HSP90AB1: variants seen among roughly 807,000 people sequenced by gnomAD.
HSP90AB1 encodes heat shock protein HSP 90-beta.
Under a neutral mutation model 67.8 loss-of-function variants are expected in HSP90AB1, and 17 were observed. The ratio of observed to expected loss-of-function variants is 0.25; its 90% CI spans 0.17 to 0.38. HSP90AB1 has a LOEUF of 0.38. Ranked by LOEUF, HSP90AB1 falls within the 10% of genes least tolerant of loss-of-function variation. HSP90AB1 has a pLI of 1.00. For missense variants in HSP90AB1, 690 were observed against 899.9 expected, an observed-to-expected ratio of 0.77 and a Z score of 2.98; for synonymous variants, 390 against 312.9, an observed-to-expected ratio of 1.25 and a Z score of -2.60.
chr6:44,252,700 G>T (rs771078720), intron 10 of HSP90AB1, among the ~76,000 whole-genome samples: 1 of 151,770 alleles, frequency 6.6e-6, no homozygotes, highest in African/African-American at 2.4e-5. Context: ...GTTTCATCGC[G>T]TTAGCCAGGA....
At position 44,253,709 on chromosome 6, in the gene HSP90AB1, G is replaced by GT. The variant is rs552590291; in HGVS notation, c.*118dup. The GT allele has an allele frequency of 2.9e-4, 238 of 832,884 alleles. 1 individual carries two copies. Among genetic ancestry groups the GT allele is most frequent in the South Asian group, 1.5e-3 (111 of 75,014 alleles). 51.6% of individuals were successfully genotyped at this position (832,884 alleles called of 1,614,324 possible). On this transcript the variant is annotated 3_prime_UTR_variant, in exon 12 of 12. Coordinates refer to ENST00000371646, the MANE Select transcript of HSP90AB1 (RefSeq NM_007355.4). ...CTGGCTCCCCCTGCTGGTGTCTAGT[G>GT]TTTTTTTCCCTCTCCTGTCCTTGTG...
chr6:44,253,735 T>C lies in HSP90AB1; in HGVS notation c.*137T>C, dbSNP rs534908596. On this transcript the variant is annotated 3_prime_UTR_variant, in exon 12 of 12. Coordinates refer to ENST00000371646, the MANE Select transcript of HSP90AB1 (RefSeq NM_007355.4). Reference sequence around the variant, plus strand: ...TTTTTTTCCCTCTCCTGTCCTTGTGTTGAAGGCAGTAAACTAAGGGTGTCA... The same window carrying C: ...TTTTTTTCCCTCTCCTGTCCTTGTGCTGAAGGCAGTAAACTAAGGGTGTCA... 3.4e-5 allele frequency: 27 copies of C among 787,274 alleles called. No individual in the cohort carries two copies. The East Asian group carries it at 6.3e-4, about 18-fold the overall frequency. 48.8% of individuals were successfully genotyped at this position (787,274 alleles called of 1,614,324 possible).
rs752606321 is a variant in HSP90AB1 at position 44,253,769 on chromosome 6, T to A, written c.*171T>A. 1 of 778,262 alleles carries A rather than the reference T, an allele frequency of 1.3e-6. No individual in the cohort carries two copies. Among genetic ancestry groups the A allele is most frequent in the South Asian group, 1.4e-5 (1 of 73,770 alleles). 48.2% of individuals were successfully genotyped at this position (778,262 alleles called of 1,614,324 possible). A position where few individuals can be genotyped will look rare whatever the true frequency, so the allele number is the denominator to read the frequency against. On this transcript the variant is annotated 3_prime_UTR_variant, in exon 12 of 12. Transcript: ENST00000371646. The stretch of plus-strand genomic sequence containing the variant: ...GTAAACTAAGGGTGTCAAGCCCCAT[T>A]CCCTCTCTACTCTTGACAGCAGGAT...
chr6:44,252,434 T>A (rs535850868), intron 10 of HSP90AB1, among the ~76,000 whole-genome samples, 167 bp downstream of exon 10: 2 of 152,342 alleles, frequency 1.3e-5, no homozygotes, highest in Non-Finnish European at 2.9e-5. Context: ...TTAATAAAAT[T>A]TGGCACAGAT....
At chr6:44,247,954 T>G (rs1780148354) in intron 1 of HSP90AB1, 1 of 152,258 alleles carries the variant, frequency 6.6e-6, no homozygotes, top group African/African-American at 2.4e-5. Context: ...GTGACGAGTG[T>G]CGGCCTGGTG....
intron 1 of HSP90AB1, 76 bp from the exon 2 acceptor site, chr6:44,248,554 C>T (rs917905799): frequency 7.1e-7 from 1 of 1,411,652 alleles, no homozygotes; most frequent in African/African-American, 1.4e-5. Context: ...AAGGTCCTAA[C>T]AAATGATATG....
At position 44,249,410 on chromosome 6, in the gene HSP90AB1, G is replaced by C. The variant is rs1780376806; in HGVS notation, c.181G>C (p.Asp61His). The C allele has an allele frequency of 6.2e-7, 1 of 1,613,984 alleles. No individual in the cohort carries two copies. The highest frequency in any genetic ancestry group is 8.5e-7 in the Non-Finnish European group (1 of 1,179,866). ...LDKIRYESLT[D>H]PSKLDSGKEL... is the part of the protein sequence containing the mutation. ...CAAGATTCGCTATGAGAGCCTGACA[G>C]ACCCTTCGAAGTTGGACAGTGGTAA... The change falls in exon 3 of 12, where the codon GAC becomes CAC. Residue 61 changes from aspartate (D) to histidine (H), a missense_variant. By Grantham distance (81) the Asp-to-His change is moderately conservative. Around this residue, in one of 7 missense-constraint regions of HSP90AB1, gnomAD observed 88 missense variants for 167.7 expected, o/e 0.52. Coordinates refer to ENST00000371646, the MANE Select transcript of HSP90AB1 (RefSeq NM_007355.4).
rs1780000480 is a variant in HSP90AB1, at chr6:44,247,209, C to T, written c.-1+14C>T. The T allele has an allele frequency of 6.6e-6, 1 of 152,274 alleles. No homozygotes were observed. The highest frequency in any genetic ancestry group is 2.4e-5 in the African/African-American group (1 of 41,454). 9.4% of individuals were successfully genotyped at this position (152,274 alleles called of 1,614,324 possible). A position where few individuals can be genotyped will look rare whatever the true frequency, so the allele number is the denominator to read the frequency against. On this transcript the variant is annotated intron_variant, in intron 1 of 11. Coordinates refer to ENST00000371646, the MANE Select transcript of HSP90AB1 (RefSeq NM_007355.4). ...TTTCTTTTCAAGGTAAGGCTGAGAT[C>T]TCCGCTAGGCTTCTTTCCCTTTAGT...
intron 2 of HSP90AB1, 78 bp from the exon 3 acceptor site, chr6:44,249,299 C>T (rs1780364640): frequency 8.4e-7 from 1 of 1,185,524 alleles, no homozygotes; most frequent in Non-Finnish European, 1.2e-6. Flanking sequence ...TCATCCTTGC[C>T]ACTGCACTGT....
chr6:44,252,123 T>A lies in HSP90AB1; in HGVS notation c.1587T>A (p.Asp529Glu). ...GTGTGCAGCAGCTCAAGGAATTTGA[T>A]GGGAAGAGCCTGGTCTCAGTTACCA... Reference protein sequence around the residue: ...EYCVQQLKEFDGKSLVSVTKE... With the variant: ...EYCVQQLKEFEGKSLVSVTKE... The change falls in exon 10 of 12, where the codon GAT becomes GAA. Residue 529 changes from aspartate (D) to glutamate (E), a missense_variant. Asp to Glu is a conservative substitution (Grantham distance 45). Coordinates refer to ENST00000371646, the MANE Select transcript of HSP90AB1 (RefSeq NM_007355.4). The A allele has an allele frequency of 6.2e-7, 1 of 1,614,024 alleles. No individual in the cohort carries two copies. Among genetic ancestry groups the A allele is most frequent in the Non-Finnish European group, 8.5e-7 (1 of 1,180,008 alleles).
At position 44,251,571 on chromosome 6, in the gene HSP90AB1, A is replaced by G. The variant is rs1160661073; in HGVS notation, c.1277A>G (p.Tyr426Cys). The change falls in exon 8 of 12, where the codon TAC (tyrosine) becomes TGC (cysteine). Residue 426 changes from tyrosine (Y) to cysteine (C), a missense_variant. Tyr to Cys is a radical substitution (Grantham distance 194). Transcript: ENST00000371646. ...GAGCTGGCAGAAGACAAGGAGAATT[A>G]CAAGAAATTCTATGAGGCATTCTCT... The part of the protein sequence containing the change: ...FSELAEDKEN[Y>C]KKFYEAFSKN... 3 of 1,609,120 alleles carry G rather than the reference A, an allele frequency of 1.9e-6. No homozygotes were observed. Among genetic ancestry groups the G allele is most frequent in the Non-Finnish European group, 2.5e-6 (3 of 1,176,890 alleles).
rs1780270951 is a variant in HSP90AB1 at position 44,248,618 on chromosome 6, T to C, written c.1-12T>C. 2.5e-6 allele frequency: 4 copies of C among 1,596,196 alleles called. No homozygotes were observed. In the South Asian group the frequency reaches 4.5e-5, roughly 18 times the overall value. ...TAGTGTTCTTTTGTAATTAATGAGA[T>C]TTTTATTTTAGATGCCTGAGGAAGT... On this transcript the variant is annotated splice_polypyrimidine_tract_variant and intron_variant, in intron 1 of 11. Coordinates refer to ENST00000371646, the MANE Select transcript of HSP90AB1 (RefSeq NM_007355.4).
chr6:44,253,037 G>A lies in HSP90AB1; in HGVS notation c.1732-8G>A, dbSNP rs781471728. ...ATGTCAATCTAAGGCTTTTGTGATC[G>A]TCCACAGGTGACAATCTCCAATAGA... On this transcript the variant is annotated splice_polypyrimidine_tract_variant and splice_region_variant and intron_variant, in intron 10 of 11. Coordinates refer to ENST00000371646, the MANE Select transcript of HSP90AB1 (RefSeq NM_007355.4). The A allele has an allele frequency of 1.2e-5, 19 of 1,610,192 alleles. No homozygotes were observed. The Admixed American group carries it at 2.5e-4, about 21-fold the overall frequency.
chr6:44,251,318 G>GT lies in HSP90AB1; in HGVS notation c.1124-99dup. On this transcript the variant is annotated intron_variant, in intron 7 of 11. Coordinates refer to ENST00000371646, the MANE Select transcript of HSP90AB1 (RefSeq NM_007355.4). ...CAGTTTTCTGCAATACATAGTAGGT[G>GT]TAAGGGTTCAGGAGGCTATTAGAGC... is the stretch of plus-strand genomic sequence containing the variant. 7.2e-6 allele frequency: 11 copies of GT among 1,530,826 alleles called. No homozygotes were observed. In the South Asian group the frequency reaches 1.1e-4, roughly 16 times the overall value. 94.8% of individuals were successfully genotyped at this position (1,530,826 alleles called of 1,614,324 possible). A position where few individuals can be genotyped will look rare whatever the true frequency, so the allele number is the denominator to read the frequency against.
Position 44,252,518 on chromosome 6 carries a change from T to C in HSP90AB1, c.1731+251T>C, listed in dbSNP as rs545952152. Among the ~76,000 whole-genome samples, 5 of 152,108 alleles carry C rather than the reference T, an allele frequency of 3.3e-5. No individual in the cohort carries two copies. In the East Asian group the frequency reaches 9.6e-4, roughly 29 times the overall value. ...TTCTTTTTTTTTTCTTTTTTTGAGA[T>C]GGGGTCTCGCTCTGTCACCCAGGCT... On this transcript the variant is annotated intron_variant, in intron 10 of 11. Transcript: ENST00000371646.
rs911240901 is a variant in HSP90AB1, at chr6:44,252,963, C to G, written c.1732-82C>G. The stretch of plus-strand genomic sequence containing the variant: ...TCAAGTGGTCTGTCCACCTCCTCCC[C>G]CTGCTGGAATTAGGCTTGACAATGC... On this transcript the variant is annotated intron_variant, in intron 10 of 11. Transcript: ENST00000371646. The G allele has an allele frequency of 1.6e-5, 19 of 1,169,044 alleles. No homozygotes were observed. The South Asian group carries it at 2.6e-4, about 16-fold the overall frequency. 72.4% of individuals were successfully genotyped at this position (1,169,044 alleles called of 1,614,324 possible). A position where few individuals can be genotyped will look rare whatever the true frequency, so the allele number is the denominator to read the frequency against.
At position 44,248,621 on chromosome 6, in the gene HSP90AB1, T is replaced by TG; in HGVS notation, c.1-9_1-8insG. On this transcript the variant is annotated splice_polypyrimidine_tract_variant and intron_variant, in intron 1 of 11. Coordinates refer to ENST00000371646, the MANE Select transcript of HSP90AB1 (RefSeq NM_007355.4). Reference sequence around the variant, plus strand: ...TGTTCTTTTGTAATTAATGAGATTTTTATTTTAGATGCCTGAGGAAGTGCA... The same window carrying TG: ...TGTTCTTTTGTAATTAATGAGATTTTGTATTTTAGATGCCTGAGGAAGTGCA... 6.3e-7 allele frequency: 1 copy of TG among 1,596,248 alleles called. No homozygotes were observed. The highest frequency in any genetic ancestry group is 8.5e-7 in the Non-Finnish European group (1 of 1,175,078).
Position 44,253,854 on chromosome 6 carries a change from GCAA to G in HSP90AB1, c.*257_*259del. ...TCATTTTGTTCTGAAATTAAAGTAT[GCAA>G]AATAAAGAATATGCCGTTTTTATAC... On this transcript the variant is annotated 3_prime_UTR_variant, in exon 12 of 12. Transcript: ENST00000371646. The G allele has an allele frequency of 1.4e-6, 1 of 719,708 alleles. No homozygotes were observed. Among genetic ancestry groups the G allele is most frequent in the Non-Finnish European group, 2.6e-6 (1 of 380,734 alleles). 44.6% of individuals were successfully genotyped at this position (719,708 alleles called of 1,614,324 possible).
At chr6:44,248,887 T>G (rs561630267) in intron 2 of HSP90AB1, 111 bp downstream of exon 2, 1 of 931,616 alleles carries the variant, frequency 1.1e-6, no homozygotes, top group African/African-American at 1.7e-5. Context: ...GGGGGTAAAC[T>G]TGCAGCTATT....
Sources: allele counts gnomAD v4.1 joint callset (sites outside exome capture counted in the v4.1 genomes callset), GRCh38; gene constraint gnomAD v4.1.1; regional missense constraint gnomAD v4.1.1; transcripts MANE v1.5; gene names NCBI Gene and HGNC (gene_info 2026-07-23, HGNC 2026-07-21).